The following TMEM232 variants were observed in gnomAD, a reference collection of about 807,000 sequenced individuals.
The protein encoded by TMEM232 is transmembrane protein 232.
A neutral mutation model predicts 78.8 loss-of-function variants in TMEM232; 80 were observed. That is an observed-to-expected ratio of 1.01 (90% CI 0.85 to 1.22). TMEM232 has a LOEUF of 1.22. TMEM232 is among the 50% of genes most tolerant of loss of function. The pLI is 0.00. For missense variants in TMEM232, 881 were observed against 742.2 expected (o/e 1.19, Z -2.17); for synonymous variants, 297 against 254.3 (o/e 1.17, Z -1.60).
intron 12 of TMEM232, among the ~76,000 whole-genome samples, chr5:110,513,207 C>A (rs1345990000): frequency 1.3e-5 from 2 of 152,138 alleles, no homozygotes; most frequent in African/African-American, 4.8e-5. Context: ...ATGTACGAAG[C>A]ATAGTTCTGG....
chr5:110,521,569 G>A (rs1167648255), intron 12 of TMEM232, among the ~76,000 whole-genome samples: 1 of 152,092 alleles, frequency 6.6e-6, no homozygotes, highest in Non-Finnish European at 1.5e-5. Context: ...CTGCTTTCTA[G>A]GATTTTTAGA....
At chr5:110,696,928 A>C (rs1794859875) in intron 1 of TMEM232, among the ~76,000 whole-genome samples, 1 of 152,174 alleles carries the variant, frequency 6.6e-6, no homozygotes, top group African/African-American at 2.4e-5. Flanking sequence ...GAGTTTCTTC[A>C]CGGAATTGGA....
At chr5:110,389,801 C>T (rs1163871608) in intron 4 of TMEM232, among the ~76,000 whole-genome samples, 1 of 152,140 alleles carries the variant, frequency 6.6e-6, no homozygotes, top group African/African-American at 2.4e-5. Flanking sequence ...AATAAATGGC[C>T]CATTGGCTGT....
At chr5:110,563,342 GA>G (rs1646214755) in intron 11 of TMEM232, among the ~76,000 whole-genome samples, 1 of 151,592 alleles carries the variant, frequency 6.6e-6, no homozygotes, top group Non-Finnish European at 1.5e-5. Context: ...GAAGAAAAAA[GA>G]ATATCTTATA....
intron 10 of TMEM232, among the ~76,000 whole-genome samples, chr5:110,583,101 A>C (rs940719784): frequency 6.6e-6 from 1 of 151,974 alleles, no homozygotes; most frequent in Admixed American, 6.6e-5. Context: ...CAAATTCAAT[A>C]CTGTCTCCAT....
chr5:110,494,097 C>T (rs1007620153), intron 12 of TMEM232, among the ~76,000 whole-genome samples: 5 of 152,014 alleles, frequency 3.3e-5, no homozygotes, highest in African/African-American at 1.2e-4. Context: ...GACATGAACT[C>T]ACCCTTTTTA....
At chr5:110,528,437 C>T in intron 12 of TMEM232, 151 bp downstream of exon 12, 1 of 535,244 alleles carries the variant, frequency 1.9e-6, no homozygotes. Context: ...GGAACTAGCT[C>T]AATGATAGAT....
chr5:110,640,420 ATTAG>A (rs1443772418), intron 4 of TMEM232, among the ~76,000 whole-genome samples: 2 of 151,648 alleles, frequency 1.3e-5, no homozygotes, highest in Non-Finnish European at 1.5e-5. Context: ...TTTTTTTTAG[ATTAG>A]TTAGAGGATG....
At chr5:110,410,560 A>G (rs1044529806) in intron 2 of TMEM232, among the ~76,000 whole-genome samples, 4 of 152,216 alleles carry the variant, frequency 2.6e-5, no homozygotes, top group Non-Finnish European at 4.4e-5. Flanking sequence ...CTTGCTGTCT[A>G]AAGTTGGGCA....
chr5:110,682,850 G>C (rs926684578), intron 1 of TMEM232, among the ~76,000 whole-genome samples: 2 of 152,068 alleles, frequency 1.3e-5, no homozygotes, highest in Non-Finnish European at 2.9e-5. Context: ...CTGGAATTAA[G>C]TGTCTTCTTT....
chr5:110,463,568 ATTATTC>A (rs1200481921), intron 12 of TMEM232, among the ~76,000 whole-genome samples: 2 of 152,196 alleles, frequency 1.3e-5, no homozygotes, highest in Non-Finnish European at 2.9e-5. Context: ...CCCTAAATAT[ATTATTC>A]TTAATCATTT....
At chr5:110,532,690 C>T (rs1433910144) in intron 11 of TMEM232, among the ~76,000 whole-genome samples, 1 of 152,058 alleles carries the variant, frequency 6.6e-6, no homozygotes, top group African/African-American at 2.4e-5. Flanking sequence ...CAATCCAAAG[C>T]CTCCTTTGCA....
intron 7 of TMEM232, among the ~76,000 whole-genome samples, chr5:110,620,625 CT>C (rs1344725544): frequency 2.8e-4 from 32 of 116,336 alleles, no homozygotes; most frequent in East Asian, 7.5e-4. Context: ...CTCTCTCTCT[CT>C]CTCTCTCTCT....
intron 12 of TMEM232, among the ~76,000 whole-genome samples, chr5:110,449,482 A>G (rs1184140069): frequency 6.6e-6 from 1 of 152,090 alleles, no homozygotes; most frequent in Non-Finnish European, 1.5e-5. Context: ...TCAGCTGTCC[A>G]ATCATCCCTT....
intron 5 of TMEM232, among the ~76,000 whole-genome samples, chr5:110,632,945 C>G (rs549093322): frequency 6.6e-6 from 1 of 152,172 alleles, no homozygotes; most frequent in East Asian, 1.9e-4. Context: ...TACAGTCAAA[C>G]TGTCTAAAGT....
At chr5:110,577,314 C>T (rs185645983) in intron 10 of TMEM232, among the ~76,000 whole-genome samples, 154 of 152,108 alleles carry the variant, frequency 1.0e-3, no homozygotes, top group African/African-American at 3.5e-3. Context: ...CAAATCAAAA[C>T]CACAATGAGA....
chr5:110,422,567 G>T lies in TMEM232; in HGVS notation c.1798-1811C>A, dbSNP rs868370250. Among the ~76,000 whole-genome samples, 28 of 119,234 alleles carry T rather than the reference G, an allele frequency of 2.3e-4. No homozygotes were observed. The South Asian group carries it at 5.3e-3, about 23-fold the overall frequency. The allele number at this position is 119,234 out of a possible 152,430, so 78.2% of individuals were successfully genotyped here. On this transcript the variant is annotated intron_variant, in intron 13 of 13. Coordinates refer to ENST00000455884, the MANE Select transcript of TMEM232 (RefSeq NM_001039763.4). Reference sequence around the variant, plus strand: ...AAAAAAATTGTGAAAAATCAAAAGAGAATTAATTCTTAAGAACTGCCAGCA... The same window carrying T: ...AAAAAAATTGTGAAAAATCAAAAGATAATTAATTCTTAAGAACTGCCAGCA...
At chr5:110,426,507 T>C (rs1382495206) in intron 12 of TMEM232, among the ~76,000 whole-genome samples, 2 of 152,042 alleles carry the variant, frequency 1.3e-5, no homozygotes, top group Admixed American at 1.3e-4. Flanking sequence ...ACTCTTGTGT[T>C]AGTGGAGTAG....
chr5:110,621,975 T>A (rs1396335573), intron 7 of TMEM232, among the ~76,000 whole-genome samples: 1 of 152,218 alleles, frequency 6.6e-6, no homozygotes, highest in Non-Finnish European at 1.5e-5. Context: ...CTCTCTTTTA[T>A]AATAGAAATG....
Sources: gnomAD v4.1 joint callset for allele counts (sites outside exome capture counted in the v4.1 genomes callset) on GRCh38, gnomAD v4.1.1 for gene constraint, MANE v1.5 for transcripts, NCBI Gene and HGNC (gene_info 2026-07-23, HGNC 2026-07-21) for gene names.